The following TEKT1 variants were observed in gnomAD, a reference collection of about 807,000 sequenced individuals.
The protein encoded by TEKT1 is tektin-1.
A neutral mutation model predicts 34.8 loss-of-function variants in TEKT1; 32 were observed. The ratio of observed to expected loss-of-function variants is 0.92; its 90% CI spans 0.69 to 1.23. The LOEUF (loss-of-function observed/expected upper bound fraction) is 1.23, where lower values mean the gene tolerates loss of function less well. TEKT1 is among the 50% of genes most tolerant of loss of function. The probability of loss-of-function intolerance (pLI) is 0.00; values close to 1 mark genes in which losing one functional copy is unlikely to be tolerated. For missense variants in TEKT1, 492 were observed against 518.5 expected, an observed-to-expected ratio of 0.95 and a Z score of 0.50; for synonymous variants, 207 against 199.8, an observed-to-expected ratio of 1.04 and a Z score of -0.30.
intron 6 of TEKT1, among the ~76,000 whole-genome samples, chr17:6,803,121 T>C (rs1976798361): frequency 6.6e-6 from 1 of 152,132 alleles, no homozygotes; most frequent in Non-Finnish European, 1.5e-5. Context: ...CCAGCACCTG[T>C]TGTTTCCTGA....
At position 6,820,293 on chromosome 17, in the gene TEKT1, C is replaced by CTTTCT. The variant is rs1162894568; in HGVS notation, c.191-940_191-936dup. Among the ~76,000 whole-genome samples the CTTTCT allele has an allele frequency of 6.6e-5, 10 of 151,804 alleles. No homozygotes were observed. The East Asian group carries it at 1.2e-3, about 18-fold the overall frequency. ...GAGTTAAAATGGCATTTTTGCTTCA[C>CTTTCT]TTTCTTTTTTAAATGATAATTAAAG... On this transcript the variant is annotated intron_variant, in intron 2 of 7. Transcript: ENST00000338694.
chr17:6,800,126 G>T lies in TEKT1; in HGVS notation c.1158C>A (p.Asp386Glu). 1 of 1,614,112 alleles carries T rather than the reference G, an allele frequency of 6.2e-7. No individual in the cohort carries two copies. Among genetic ancestry groups the T allele is most frequent in the Non-Finnish European group, 8.5e-7 (1 of 1,180,054 alleles). The change falls in exon 8 of 8, where the codon GAC (aspartate) becomes GAA (glutamate). Residue 386 changes from aspartate to glutamate, a missense_variant. Physicochemically the swap from Asp to Glu is conservative, Grantham distance 45. Transcript: ENST00000338694. The stretch of plus-strand genomic sequence containing the variant: ...TCCTCATCTGCATACACAGCACTTC[G>T]TCGATATAAATGGTGTTCTCTTTGA... ...IQVKENTIYI[D>E]EVLCMQMRKS...
At chr17:6,819,122 C>T in intron 3 of TEKT1, 71 bp downstream of exon 3, 2 of 1,544,786 alleles carry the variant, frequency 1.3e-6, no homozygotes, top group Non-Finnish European at 8.8e-7. Context: ...CCATCGCACA[C>T]AGCCGGCATT....
intron 2 of TEKT1, among the ~76,000 whole-genome samples, chr17:6,829,839 G>C (rs1904520207): frequency 6.6e-6 from 1 of 151,930 alleles, no homozygotes; most frequent in African/African-American, 2.4e-5. Context: ...ACTGTATTCT[G>C]ATGATTAATT....
At chr17:6,817,305 G>A (rs547422244) in intron 3 of TEKT1, among the ~76,000 whole-genome samples, 20 of 152,188 alleles carry the variant, frequency 1.3e-4, no homozygotes, top group African/African-American at 4.8e-4. Flanking sequence ...AACCCGGGAG[G>A]TGGAGGTTTC....
chr17:6,823,815 C>CTT (rs33937600), intron 2 of TEKT1, among the ~76,000 whole-genome samples: 796 of 77,608 alleles, frequency 0.01, no homozygotes, highest in Non-Finnish European at 0.013. Context: ...AAACCTCATC[C>CTT]TTTTTTTTTT....
chr17:6,831,419 C>CA (rs1370826065), intron 1 of TEKT1, among the ~76,000 whole-genome samples: 1 of 152,176 alleles, frequency 6.6e-6, no homozygotes, highest in Admixed American at 6.5e-5. Context: ...CCAGCCCCCT[C>CA]AGACAACATG....
In TEKT1 at chr17:6,799,858, A is replaced by G. The variant is rs535465674; in HGVS notation, c.*169T>C. The stretch of plus-strand genomic sequence containing the variant: ...ATTGTTAGGCAAACACCACACCAGC[A>G]TAAGAGAAGAAACTCGCCCCAAAAT... On this transcript the variant is annotated 3_prime_UTR_variant, in exon 8 of 8. Coordinates refer to ENST00000338694, the MANE Select transcript of TEKT1 (RefSeq NM_053285.2). 1.6e-5 allele frequency: 9 copies of G among 579,530 alleles called. No homozygotes were observed. The highest frequency in any genetic ancestry group is 1.1e-4 in the African/African-American group (6 of 53,554). The allele number at this position is 579,530 out of a possible 1,614,324, so 35.9% of individuals were successfully genotyped here.
chr17:6,824,956 G>T (rs947045464), intron 2 of TEKT1, among the ~76,000 whole-genome samples: 5 of 152,142 alleles, frequency 3.3e-5, no homozygotes, highest in Non-Finnish European at 7.4e-5. Flanking sequence ...ATTTCTATTT[G>T]CAAACCAATA....
chr17:6,803,560 C>A (rs1173160641), intron 6 of TEKT1, among the ~76,000 whole-genome samples: 12 of 152,256 alleles, frequency 7.9e-5, no homozygotes, highest in East Asian at 7.7e-4. Flanking sequence ...ATGGTATTGC[C>A]TAGGTTTTCT....
chr17:6,815,996 C>T lies in TEKT1; in HGVS notation c.357-34G>A, dbSNP rs370816467. 1.3e-4 allele frequency: 215 copies of T among 1,611,596 alleles called. No individual in the cohort carries two copies. The African/African-American group carries it at 1.6e-3, about 12-fold the overall frequency. ...GGGAAAGGCAGCCAGTCAGCCAACA[C>T]GTGCAACATGAGGTGACTCAACATT... On this transcript the variant is annotated intron_variant, in intron 3 of 7. Coordinates refer to ENST00000338694, the MANE Select transcript of TEKT1 (RefSeq NM_053285.2).
chr17:6,805,937 T>C (rs1293281483), intron 6 of TEKT1, among the ~76,000 whole-genome samples: 1 of 152,194 alleles, frequency 6.6e-6, no homozygotes, highest in Non-Finnish European at 1.5e-5. Flanking sequence ...GAAGAATGTA[T>C]ATTCTGTTGA....
chr17:6,801,108 G>A (rs189134347), intron 6 of TEKT1, among the ~76,000 whole-genome samples, 165 bp from the exon 7 acceptor site: 2 of 152,282 alleles, frequency 1.3e-5, no homozygotes, highest in East Asian at 3.9e-4. Flanking sequence ...AGTGATTGCT[G>A]GTGGGCAAGG....
rs1414859980 is a variant in TEKT1, at chr17:6,806,737, G to A, written c.853-5794C>T. On this transcript the variant is annotated intron_variant, in intron 6 of 7. Coordinates refer to ENST00000338694, the MANE Select transcript of TEKT1 (RefSeq NM_053285.2). Reference sequence around the variant, plus strand: ...TTCCTTCACTTATAATGCTTAGTTTGGCTGGATATGAAATTCTGGGTTGAA... The same window carrying A: ...TTCCTTCACTTATAATGCTTAGTTTAGCTGGATATGAAATTCTGGGTTGAA... 3.3e-5 allele frequency among the ~76,000 whole-genome samples: 5 copies of A among 152,136 alleles called. 1 individual carries two copies. The East Asian group carries it at 9.6e-4, about 29-fold the overall frequency.
intron 1 of TEKT1, among the ~76,000 whole-genome samples, chr17:6,831,286 A>G (rs1185565674): frequency 6.6e-6 from 1 of 151,674 alleles, no homozygotes; most frequent in Non-Finnish European, 1.5e-5. Context: ...ATCTGCCCCC[A>G]CTCCCATCTC....
intron 6 of TEKT1, among the ~76,000 whole-genome samples, chr17:6,804,302 A>G (rs1047468184): frequency 1.7e-4 from 26 of 152,120 alleles, no homozygotes; most frequent in Non-Finnish European, 3.7e-4. Context: ...ATTTTTGCAC[A>G]TTGATTTTGT....
chr17:6,822,757 T>G (rs1046373700), intron 2 of TEKT1, among the ~76,000 whole-genome samples: 2 of 152,326 alleles, frequency 1.3e-5, no homozygotes, highest in South Asian at 2.1e-4. Flanking sequence ...TGAGTTTCTG[T>G]GTCTTTGATT....
intron 2 of TEKT1, among the ~76,000 whole-genome samples, chr17:6,825,281 T>C (rs74442077): frequency 0.047 from 7,149 of 152,208 alleles, 526 homozygotes; most frequent in African/African-American, 0.16. Flanking sequence ...GAGTAGTCAT[T>C]GGATGTGACC....
intron 4 of TEKT1, 38 bp downstream of exon 4, chr17:6,815,796 C>G: frequency 6.2e-7 from 1 of 1,611,442 alleles, no homozygotes; most frequent in Non-Finnish European, 8.5e-7. Flanking sequence ...TCTCAAAATT[C>G]CCAGTGGAGA....
Sources: allele counts gnomAD v4.1 joint callset (sites outside exome capture counted in the v4.1 genomes callset), GRCh38; gene constraint gnomAD v4.1.1; transcripts MANE v1.5; gene names NCBI Gene and HGNC (gene_info 2026-07-23, HGNC 2026-07-21).